The following DIAPH2 variants were observed in gnomAD, a reference collection of about 807,000 sequenced individuals.
DIAPH2 encodes the protein protein diaphanous homolog 2.
A neutral mutation model predicts 92.7 loss-of-function variants in DIAPH2; 35 were observed. That is an observed-to-expected ratio of 0.38 (90% CI 0.29 to 0.50). The LOEUF is 0.50. Ranked by LOEUF, DIAPH2 falls within the 20% of genes least tolerant of loss-of-function variation. DIAPH2 has a pLI of 0.94. For synonymous variants in DIAPH2, 301 were observed against 280.4 expected, an observed-to-expected ratio of 1.07 and a Z score of -0.73; for missense variants, 701 against 819.5, an observed-to-expected ratio of 0.86 and a Z score of 1.77.
At position 97,244,741 on chromosome X, in the gene DIAPH2, A is replaced by G. The variant is rs183601625; in HGVS notation, c.2720-2974A>G. ...ACAAGACCTATTTGTTCAGATTTCT[A>G]TGTCCCTTTATTTTCAGAGATAAGG... is the stretch of plus-strand genomic sequence containing the variant. On this transcript the variant is annotated intron_variant, in intron 22 of 26. Transcript: ENST00000324765. Among the ~76,000 whole-genome samples the G allele has an allele frequency of 5.4e-5, 6 of 111,949 alleles. No individual in the cohort carries two copies. In the East Asian group the frequency reaches 1.7e-3, roughly 32 times the overall value.
chrX:97,394,009 T>G (rs1458122484), intron 25 of DIAPH2, among the ~76,000 whole-genome samples: 5 of 111,928 alleles, frequency 4.5e-5, no homozygotes, highest in Non-Finnish European at 9.4e-5. Context: ...TAAACTCTGG[T>G]TGATAGCAAT....
At chrX:97,521,658 T>C (rs2070992184) in intron 26 of DIAPH2, among the ~76,000 whole-genome samples, 1 of 111,171 alleles carries the variant, frequency 9.0e-6, no homozygotes. Flanking sequence ...TATAAGAGGC[T>C]TCCCCCTTGG....
At chrX:97,343,171 T>TA (rs1444652123) in intron 23 of DIAPH2, among the ~76,000 whole-genome samples, 4 of 111,711 alleles carry the variant, frequency 3.6e-5, no homozygotes, top group Non-Finnish European at 7.5e-5. Context: ...TACCATTTTT[T>TA]AAAAAATTCA....
chrX:97,122,832 T>C (rs510454), intron 21 of DIAPH2, among the ~76,000 whole-genome samples: 12,817 of 110,920 alleles, frequency 0.12, 1,817 homozygotes, highest in African/African-American at 0.4. Flanking sequence ...GAGCTATTTG[T>C]GGGAAAGAGT....
chrX:96,878,534 A>G (rs1281894203), intron 4 of DIAPH2, among the ~76,000 whole-genome samples: 2 of 111,875 alleles, frequency 1.8e-5, no homozygotes, highest in African/African-American at 6.5e-5. Flanking sequence ...TCTGTTCTAT[A>G]AAGTTATATA....
At chrX:96,904,943 T>C (rs2065423158) in intron 5 of DIAPH2, among the ~76,000 whole-genome samples, 1 of 111,840 alleles carries the variant, frequency 8.9e-6, no homozygotes. Context: ...CCCTGAACTA[T>C]CATTCATTTT....
intron 23 of DIAPH2, among the ~76,000 whole-genome samples, chrX:97,339,650 TG>T (rs1371273714): frequency 1.8e-5 from 2 of 112,597 alleles, no homozygotes; most frequent in Non-Finnish European, 3.7e-5. Flanking sequence ...CATTTTACCT[TG>T]CAGTGTTTTA....
chrX:97,259,981 C>T (rs1425640653), intron 23 of DIAPH2, among the ~76,000 whole-genome samples: 1 of 111,662 alleles, frequency 9.0e-6, no homozygotes, highest in Non-Finnish European at 1.9e-5. Context: ...AGGCGCCCGT[C>T]ACCACTCCGA....
intron 25 of DIAPH2, among the ~76,000 whole-genome samples, chrX:97,399,859 A>G (rs5921808): frequency 0.028 from 3,122 of 112,406 alleles, 35 homozygotes; most frequent in Middle Eastern, 0.042. Context: ...GCTATAATAT[A>G]CCTCTCATAC....
At chrX:97,284,386 G>A (rs1308657837) in intron 23 of DIAPH2, among the ~76,000 whole-genome samples, 2 of 110,772 alleles carry the variant, frequency 1.8e-5, no homozygotes, top group African/African-American at 6.6e-5. Context: ...TGAGGTGGGT[G>A]GATCACCTGA....
intron 22 of DIAPH2, among the ~76,000 whole-genome samples, chrX:97,237,284 G>T (rs2068055526): frequency 9.0e-6 from 1 of 111,409 alleles, no homozygotes. Flanking sequence ...TAGTTCCAAG[G>T]TTAAAGAAGA....
intron 21 of DIAPH2, among the ~76,000 whole-genome samples, chrX:97,115,585 A>G (rs1197216420): frequency 2.7e-5 from 3 of 111,565 alleles, no homozygotes; most frequent in Non-Finnish European, 5.6e-5. Flanking sequence ...TTTCCTTTAC[A>G]TTATTACTTA....
chrX:97,339,231 G>GGCT (rs1222228339), intron 23 of DIAPH2, among the ~76,000 whole-genome samples: 1 of 111,163 alleles, frequency 9.0e-6, no homozygotes, highest in African/African-American at 3.3e-5. Flanking sequence ...ATGCTTTGTG[G>GGCT]GCTGGGTGCA....
chrX:97,416,946 T>A (rs2069953064), intron 25 of DIAPH2, among the ~76,000 whole-genome samples: 1 of 112,077 alleles, frequency 8.9e-6, no homozygotes, highest in Non-Finnish European at 1.9e-5. Context: ...AAGTGAGTGG[T>A]GCCACCCATT....
At chrX:96,975,150 C>T (rs898595689) in intron 17 of DIAPH2, among the ~76,000 whole-genome samples, 2 of 111,630 alleles carry the variant, frequency 1.8e-5, no homozygotes, top group African/African-American at 6.5e-5. Context: ...TTGGACATAG[C>T]TTCAACCTTA....
intron 26 of DIAPH2, among the ~76,000 whole-genome samples, chrX:97,476,681 C>T (rs1032905836): frequency 7.3e-5 from 8 of 108,978 alleles, no homozygotes; most frequent in Non-Finnish European, 1.3e-4. Flanking sequence ...TATACATGGC[C>T]GGGCGCCGTG....
chrX:96,806,121 AAC>A (rs1433272304), intron 4 of DIAPH2, among the ~76,000 whole-genome samples: 1 of 107,311 alleles, frequency 9.3e-6, no homozygotes, highest in Non-Finnish European at 1.9e-5. Context: ...CACTGGTATA[AAC>A]ACAGGTGTAG....
chrX:97,456,245 G>A lies in DIAPH2; in HGVS notation c.3241+26500G>A, dbSNP rs753267890. 5.4e-3 allele frequency among the ~76,000 whole-genome samples: 599 copies of A among 111,171 alleles called. 3 individuals are homozygous for A. Among genetic ancestry groups the A allele is most frequent in the African/African-American group, 0.019 (572 of 30,616 alleles). On this transcript the variant is annotated intron_variant, in intron 26 of 26. Transcript: ENST00000324765. ...ACTAAAAAATACAAAAAATTAGCCG[G>A]GCGTGGTGGCGGGCGCCTGTAGTCC...
intron 23 of DIAPH2, among the ~76,000 whole-genome samples, chrX:97,310,895 G>T (rs900226614): frequency 9.0e-6 from 1 of 111,552 alleles, no homozygotes; most frequent in Non-Finnish European, 1.9e-5. Context: ...CTGTAATCGC[G>T]CTACTTGGGA....
Sources: allele counts gnomAD v4.1 joint callset (sites outside exome capture counted in the v4.1 genomes callset), GRCh38; gene constraint gnomAD v4.1.1; transcripts MANE v1.5; gene names NCBI Gene and HGNC (gene_info 2026-07-23, HGNC 2026-07-21).